The following RBFOX1 variants were observed in gnomAD, a reference collection of about 807,000 sequenced individuals.
RBFOX1 encodes RNA binding fox-1 homolog 1, also known as RNA binding protein fox-1 homolog 1.
In RBFOX1, 8 loss-of-function variants were observed where a neutral mutation model predicts 57.7. The observed-to-expected ratio is 0.14, with a 90% CI of 0.08 to 0.25. The LOEUF is 0.25. Ranked by LOEUF, RBFOX1 falls within the 10% of genes least tolerant of loss-of-function variation. The pLI, the probability that RBFOX1 is intolerant of heterozygous loss-of-function variation, is 1.00. For synonymous variants in RBFOX1, 326 were observed against 222.4 expected (o/e 1.47, Z -4.15); for missense variants, 611 against 548.5 (o/e 1.11, Z -1.14).
rs1490504829 is a variant in RBFOX1 at position 6,225,169 on chromosome 16, G to A, written c.-126-91826G>A. ...AGTTTGAAGGTGATCTTTAACAATG[G>A]AAGGAATAACAGCTACAATCCCAAT... On this transcript the variant is annotated intron_variant, in intron 1 of 15. Coordinates refer to ENST00000550418, the MANE Select transcript of RBFOX1 (RefSeq NM_018723.4). 2.0e-5 allele frequency among the ~76,000 whole-genome samples: 3 copies of A among 152,120 alleles called. No individual in the cohort carries two copies. The East Asian group carries it at 5.8e-4, about 29-fold the overall frequency.
intron 2 of RBFOX1, among the ~76,000 whole-genome samples, chr16:5,486,371 G>C (rs2151657526): frequency 6.6e-6 from 1 of 152,314 alleles, no homozygotes; most frequent in East Asian, 1.9e-4. Context: ...TGCCTTCTGA[G>C]CAAGAGGAGA....
chr16:6,374,717 G>T (rs1459115264), intron 2 of RBFOX1, among the ~76,000 whole-genome samples: 1 of 152,200 alleles, frequency 6.6e-6, no homozygotes, highest in Non-Finnish European at 1.5e-5. Context: ...CGAAGAGACT[G>T]TTATTGCCAC....
At chr16:7,623,523 T>A (rs1273525778) in intron 10 of RBFOX1, among the ~76,000 whole-genome samples, 1 of 151,990 alleles carries the variant, frequency 6.6e-6, no homozygotes, top group Non-Finnish European at 1.5e-5. Context: ...TTTATGAAAA[T>A]CCAATGCTTC....
intron 1 of RBFOX1, among the ~76,000 whole-genome samples, chr16:5,339,199 T>A (rs1200989981): frequency 1.3e-5 from 2 of 152,134 alleles, no homozygotes; most frequent in Non-Finnish European, 2.9e-5. Context: ...GCTGTCCTAC[T>A]CTCTATTTTT....
chr16:6,686,371 C>G (rs550612528), intron 3 of RBFOX1, among the ~76,000 whole-genome samples: 1 of 152,308 alleles, frequency 6.6e-6, no homozygotes, highest in South Asian at 2.1e-4. Flanking sequence ...CTTCAGGAAG[C>G]CTGTGGGCCA....
chr16:7,282,891 T>C (rs1362517105), intron 4 of RBFOX1, among the ~76,000 whole-genome samples: 1 of 152,200 alleles, frequency 6.6e-6, no homozygotes, highest in African/African-American at 2.4e-5. Flanking sequence ...CGCATCCAGG[T>C]TGCTGCAACT....
intron 3 of RBFOX1, among the ~76,000 whole-genome samples, chr16:5,665,898 G>C (rs1489664716): frequency 1.3e-5 from 2 of 152,216 alleles, no homozygotes; most frequent in Admixed American, 1.3e-4. Context: ...CAGCTTCTGA[G>C]AGGCATCTGC....
At chr16:5,284,992 G>A (rs149231284) in intron 1 of RBFOX1, among the ~76,000 whole-genome samples, 76 of 151,772 alleles carry the variant, frequency 5.0e-4, no homozygotes, top group Non-Finnish European at 1.0e-3. Context: ...TCCTGTATTT[G>A]GATCTATATC....
chr16:6,999,894 A>G (rs1423335644), intron 3 of RBFOX1, among the ~76,000 whole-genome samples: 1 of 151,936 alleles, frequency 6.6e-6, no homozygotes, highest in African/African-American at 2.4e-5. Flanking sequence ...CAACATGGTG[A>G]AACCCTGTCT....
At chr16:6,074,077 T>C (rs986196569) in intron 1 of RBFOX1, among the ~76,000 whole-genome samples, 9 of 152,062 alleles carry the variant, frequency 5.9e-5, no homozygotes, top group African/African-American at 9.7e-5. Context: ...GCCTCCCGAG[T>C]AGCTGGGACT....
At chr16:6,372,504 T>C (rs2090581927) in intron 2 of RBFOX1, among the ~76,000 whole-genome samples, 1 of 151,390 alleles carries the variant, frequency 6.6e-6, no homozygotes, top group Non-Finnish European at 1.5e-5. Context: ...GGTGGAAGTA[T>C]AGTTGGATGG....
At chr16:5,821,494 G>A (rs2055858020) in intron 3 of RBFOX1, among the ~76,000 whole-genome samples, 1 of 151,976 alleles carries the variant, frequency 6.6e-6, no homozygotes, top group South Asian at 2.1e-4. Flanking sequence ...GTAGACATGA[G>A]GTCTTGCTAT....
intron 4 of RBFOX1, among the ~76,000 whole-genome samples, chr16:7,092,051 C>G (rs915630147): frequency 2.0e-5 from 3 of 152,186 alleles, no homozygotes; most frequent in African/African-American, 4.8e-5. Context: ...AGCACCACCT[C>G]TTCTAGCACC....
chr16:7,710,312 T>C, intron 15 of RBFOX1: 1 of 1,184,610 alleles, frequency 8.4e-7, no homozygotes, highest in South Asian at 2.5e-5. Context: ...CAACCTCAAG[T>C]GCAGATTATT....
chr16:5,457,325 G>A (rs922822149), intron 1 of RBFOX1, among the ~76,000 whole-genome samples: 1 of 152,248 alleles, frequency 6.6e-6, no homozygotes, highest in Middle Eastern at 3.4e-3. Context: ...AGTAGAGATG[G>A]GGTTTCACCA....
chr16:6,508,562 A>C lies in RBFOX1; in HGVS notation c.-63-146041A>C, dbSNP rs531085360. 5.9e-5 allele frequency among the ~76,000 whole-genome samples: 9 copies of C among 152,296 alleles called. No individual in the cohort carries two copies. In the Middle Eastern group the frequency reaches 0.017, roughly 288 times the overall value. On this transcript the variant is annotated intron_variant, in intron 2 of 15. Coordinates refer to ENST00000550418, the MANE Select transcript of RBFOX1 (RefSeq NM_018723.4). ...AAGAGAGAAAAAATGACTGTTGTCT[A>C]TAAGGTCCCGTAACATCTCGTCTCT...
intron 1 of RBFOX1, among the ~76,000 whole-genome samples, chr16:6,225,620 A>T (rs1471233763): frequency 6.6e-6 from 1 of 152,228 alleles, no homozygotes; most frequent in Non-Finnish European, 1.5e-5. Flanking sequence ...AAACTGGAAG[A>T]AAGGGAATTG....
intron 4 of RBFOX1, among the ~76,000 whole-genome samples, chr16:5,919,571 C>T (rs1009676090): frequency 2.0e-5 from 3 of 152,012 alleles, no homozygotes; most frequent in Non-Finnish European, 4.4e-5. Context: ...CCCAAACTCC[C>T]GACCCGAGGT....
At chr16:5,904,697 G>T (rs2058402007) in intron 4 of RBFOX1, among the ~76,000 whole-genome samples, 1 of 151,980 alleles carries the variant, frequency 6.6e-6, no homozygotes, top group African/African-American at 2.4e-5. Context: ...AATCAGATGG[G>T]CCGGGCACAG....
Sources: allele counts gnomAD v4.1 joint callset (sites outside exome capture counted in the v4.1 genomes callset), GRCh38; gene constraint gnomAD v4.1.1; transcripts MANE v1.5; gene names NCBI Gene and HGNC (gene_info 2026-07-23, HGNC 2026-07-21).